The following CARS2 variants were observed in gnomAD, a reference collection of about 807,000 sequenced individuals.
CARS2 encodes the protein cysteinyl-tRNA synthetase 2, mitochondrial, also known as probable cysteine--tRNA ligase, mitochondrial.
CARS2 carries 52 observed loss-of-function variants against 68.8 expected under a neutral mutation model. The ratio of observed to expected loss-of-function variants is 0.76; its 90% CI spans 0.61 to 0.95. The LOEUF is 0.95. CARS2 is among the 40% of genes least tolerant of loss of function. The pLI is 0.00. For synonymous variants in CARS2, 314 were observed against 303.6 expected (o/e 1.03, Z -0.36); for missense variants, 780 against 754.2 (o/e 1.03, Z -0.40).
intron 6 of CARS2, among the ~76,000 whole-genome samples, chr13:110,679,591 GAA>G (rs1466348241): frequency 2.7e-3 from 26 of 9,660 alleles, no homozygotes; most frequent in Non-Finnish European, 6.9e-3. Flanking sequence ...AAGAAAGAAA[GAA>G]AGAAAGAGAG....
intron 8 of CARS2, chr13:110,666,069 A>T: frequency 1.0e-6 from 1 of 985,278 alleles, no homozygotes; most frequent in South Asian, 4.7e-5. Context: ...CCTCTCCAAG[A>T]ACACAATTCA....
At chr13:110,645,772 C>T (rs559010075) in intron 12 of CARS2, 195 bp downstream of exon 12, 21 of 635,720 alleles carry the variant, frequency 3.3e-5, no homozygotes, top group East Asian at 1.3e-4. Flanking sequence ...CCCTGAGGCC[C>T]GGGAGGGTCA....
chr13:110,679,597 A>G (rs1041719078), intron 6 of CARS2, among the ~76,000 whole-genome samples: 2,042 of 43,566 alleles, frequency 0.047, 45 homozygotes, highest in East Asian at 0.17. Context: ...GAAAGAAAGA[A>G]AGAGAGAGAG....
At chr13:110,701,687 A>G (rs2063792647) in intron 2 of CARS2, 132 bp from the exon 3 acceptor site, 1 of 585,290 alleles carries the variant, frequency 1.7e-6, no homozygotes, top group Non-Finnish European at 3.1e-6. Flanking sequence ...TCAGCGGAGC[A>G]GGTACAAGGA....
chr13:110,652,618 T>G (rs976781901), intron 9 of CARS2, among the ~76,000 whole-genome samples: 5 of 152,136 alleles, frequency 3.3e-5, no homozygotes, highest in African/African-American at 4.8e-5. Context: ...TGGTCTGTCT[T>G]CTACCAGGAA....
chr13:110,649,650 G>A (rs2062147142), intron 10 of CARS2, among the ~76,000 whole-genome samples: 1 of 152,334 alleles, frequency 6.6e-6, no homozygotes, highest in South Asian at 2.1e-4. Flanking sequence ...AGAGAGCTAC[G>A]TAGGAGGGAC....
Position 110,668,288 on chromosome 13 carries a change from A to T in CARS2, c.786-815T>A, listed in dbSNP as rs938008815. On this transcript the variant is annotated intron_variant, in intron 7 of 14. Coordinates refer to ENST00000257347, the MANE Select transcript of CARS2 (RefSeq NM_024537.4). This position sits in a 1 kb window ranked among gnomAD's most constrained non-coding sequence, Gnocchi z 4.1. ...GCCGGGCGCGGTGGCTCACGCCTGTAAACACAGCACTTTGGGAGGCTGAGG... is the reference window on the plus strand; with the variant it reads ...GCCGGGCGCGGTGGCTCACGCCTGTTAACACAGCACTTTGGGAGGCTGAGG... Among the ~76,000 whole-genome samples the T allele has an allele frequency of 6.6e-6, 1 of 152,214 alleles. No individual in the cohort carries two copies. The highest frequency in any genetic ancestry group is 1.5e-5 in the Non-Finnish European group (1 of 68,032).
intron 6 of CARS2, among the ~76,000 whole-genome samples, chr13:110,681,475 C>T (rs556059886): frequency 1.4e-4 from 21 of 152,202 alleles, no homozygotes; most frequent in African/African-American, 1.2e-4. Flanking sequence ...AGATGTGGAA[C>T]GACAGGGACT....
intron 3 of CARS2, among the ~76,000 whole-genome samples, chr13:110,694,061 CTT>C (rs1353440055): frequency 6.6e-6 from 1 of 151,716 alleles, no homozygotes; most frequent in Non-Finnish European, 1.5e-5. Flanking sequence ...TAGTTTTGCT[CTT>C]GTTGCCCAGG....
At chr13:110,680,568 C>A (rs893292554) in intron 6 of CARS2, among the ~76,000 whole-genome samples, 2 of 152,180 alleles carry the variant, frequency 1.3e-5, no homozygotes, top group African/African-American at 2.4e-5. Context: ...ACACCATCTA[C>A]AAAGTAGCCT....
chr13:110,700,460 G>A (rs1404907441), intron 3 of CARS2, among the ~76,000 whole-genome samples: 8 of 152,192 alleles, frequency 5.3e-5, no homozygotes, highest in Admixed American at 3.3e-4. Flanking sequence ...GAGGGGAGGC[G>A]GCCTGGTGGG....
upstream of CARS2, among the ~76,000 whole-genome samples, chr13:110,708,307 T>G (rs1222756061): frequency 1.3e-5 from 2 of 152,214 alleles, no homozygotes; most frequent in African/African-American, 2.4e-5. Flanking sequence ...GATTCAGATA[T>G]TAGATGTGCC....
chr13:110,685,002 AC>A (rs2063258686), intron 5 of CARS2, among the ~76,000 whole-genome samples: 1 of 152,188 alleles, frequency 6.6e-6, no homozygotes, highest in Non-Finnish European at 1.5e-5. Flanking sequence ...CAGTAACAAA[AC>A]AACAAACAGC....
exon 1 of CARS2, chr13:110,713,282 G>C: frequency 2.3e-6 from 3 of 1,283,438 alleles, no homozygotes; most frequent in Non-Finnish European, 3.0e-6. Context: ...TGAGGAGCGA[G>C]TTGCGGTAGT....
intron 8 of CARS2, chr13:110,666,876 G>A: frequency 3.0e-6 from 3 of 985,404 alleles, no homozygotes; most frequent in South Asian, 9.4e-5. Context: ...AAACTGCTGG[G>A]TTCGAGGTGT....
intron 8 of CARS2, chr13:110,664,500 G>A: frequency 1.4e-6 from 1 of 706,398 alleles, no homozygotes; most frequent in Non-Finnish European, 1.7e-6. Flanking sequence ...CTGGGCCACA[G>A]AGCGAGACTC....
intron 1 of CARS2, chr13:110,712,668 TGGCCTCAGGAC>T: frequency 1.6e-6 from 1 of 637,156 alleles, no homozygotes; most frequent in Non-Finnish European, 2.9e-6. Context: ...GGGAGCTGAA[TGGCCTCAGGAC>T]GCCGGCCGAC....
At chr13:110,712,435 G>GGCCGAA (rs1187375503) in intron 1 of CARS2, 2 of 188,226 alleles carry the variant, frequency 1.1e-5, no homozygotes, top group Admixed American at 6.4e-5. Flanking sequence ...GCGGGGCGGA[G>GGCCGAA]GCCGAAGCCG....
intron 2 of CARS2, among the ~76,000 whole-genome samples, chr13:110,703,720 C>T (rs1326230190): frequency 3.3e-5 from 5 of 152,200 alleles, no homozygotes. Context: ...ACCTGGGACC[C>T]ACCTCTGAAA....
Sources: allele counts gnomAD v4.1 joint callset (sites outside exome capture counted in the v4.1 genomes callset), GRCh38; gene constraint gnomAD v4.1.1; non-coding constraint Gnocchi (gnomAD v3.1); transcripts MANE v1.5; gene names NCBI Gene and HGNC (gene_info 2026-07-23, HGNC 2026-07-21).